Variants in TRIM56 observed in about 807,000 individuals in gnomAD.
TRIM56 encodes the protein E3 ubiquitin-protein ligase TRIM56.
In TRIM56, 10 loss-of-function variants were observed where a neutral mutation model predicts 17.1. The ratio of observed to expected loss-of-function variants is 0.58; its 90% CI spans 0.36 to 0.99. The LOEUF (loss-of-function observed/expected upper bound fraction) is 0.99, where lower values mean the gene tolerates loss of function less well. Among genes scored for constraint, TRIM56 ranks in the 50% least tolerant of loss-of-function variants. TRIM56 has a pLI of 0.01. For synonymous variants in TRIM56, 503 were observed against 473.5 expected, an observed-to-expected ratio of 1.06 and a Z score of -0.81; for missense variants, 923 against 1,052.3, an observed-to-expected ratio of 0.88 and a Z score of 1.70.
chr7:101,092,438 C>CGACCCAGTCTGG lies in TRIM56; in HGVS notation c.*2861_*2872dup, dbSNP rs1795583853. 1 of 172,946 alleles carries CGACCCAGTCTGG rather than the reference C, an allele frequency of 5.8e-6. No individual in the cohort carries two copies. Among genetic ancestry groups the CGACCCAGTCTGG allele is most frequent in the Admixed American group, 6.2e-5 (1 of 16,036 alleles). 10.7% of individuals were successfully genotyped at this position (172,946 alleles called of 1,614,324 possible). Reference sequence around the variant, plus strand: ...TGTGAGGAGCGCCTCTGCCCGGCCGCGACCCAGTCTGGGAGGTGAGGAGCG... The same window carrying CGACCCAGTCTGG: ...TGTGAGGAGCGCCTCTGCCCGGCCGCGACCCAGTCTGGGACCCAGTCTGGGAGGTGAGGAGCG... On this transcript the variant is annotated 3_prime_UTR_variant, in exon 3 of 3. Coordinates refer to ENST00000306085, the MANE Select transcript of TRIM56 (RefSeq NM_030961.3).
In TRIM56 at chr7:101,089,671, T is replaced by A. The variant is rs1054828545; in HGVS notation, c.*91T>A. On this transcript the variant is annotated 3_prime_UTR_variant, in exon 3 of 3. Coordinates refer to ENST00000306085, the MANE Select transcript of TRIM56 (RefSeq NM_030961.3). Reference sequence around the variant, plus strand: ...TGGGAGGTGGAGGCCGAGGACATTTTCCTGAAGGGCAGGGGTTGGCAACTT... The same window carrying A: ...TGGGAGGTGGAGGCCGAGGACATTTACCTGAAGGGCAGGGGTTGGCAACTT... The A allele has an allele frequency of 3.5e-5, 45 of 1,301,574 alleles. No individual in the cohort carries two copies. The highest frequency in any genetic ancestry group is 4.7e-5 in the Non-Finnish European group (45 of 954,024). The allele number at this position is 1,301,574 out of a possible 1,614,324, so 80.6% of individuals were successfully genotyped here.
In TRIM56 at chr7:101,088,023, G is replaced by A; in HGVS notation, c.711G>A (p.Glu237=). The A allele has an allele frequency of 6.4e-7, 1 of 1,563,856 alleles. No individual in the cohort carries two copies. The highest frequency in any genetic ancestry group is 1.3e-5 in the African/African-American group (1 of 74,426). The change falls in exon 3 of 3, where the codon GAG becomes GAA. Residue 237 remains glutamate, a synonymous_variant. Transcript: ENST00000306085. ...LVELEAARRV[E]KEALARLREQ... is the part of the protein sequence containing the mutation. Reference sequence around the variant, plus strand: ...AGCTGGAGGCAGCGCGGAGGGTGGAGAAGGAGGCGCTAGCCCGGCTGCGGG... The same window carrying A: ...AGCTGGAGGCAGCGCGGAGGGTGGAAAAGGAGGCGCTAGCCCGGCTGCGGG...
In TRIM56 at chr7:101,097,023, T is replaced by A. The variant is rs562318079; in HGVS notation, c.*7443T>A. On this transcript the variant is annotated 3_prime_UTR_variant, in exon 3 of 3. Transcript: ENST00000306085. Reference sequence around the variant, plus strand: ...ATCTTTTGAGAGTTTAGAGAAAATATCATTTGGAAAGGGAGTAGCTCTCCT... The same window carrying A: ...ATCTTTTGAGAGTTTAGAGAAAATAACATTTGGAAAGGGAGTAGCTCTCCT... The A allele has an allele frequency of 2.6e-5, 4 of 152,292 alleles. No homozygotes were observed. Among genetic ancestry groups the A allele is most frequent in the African/African-American group, 7.2e-5 (3 of 41,548 alleles). 9.4% of individuals were successfully genotyped at this position (152,292 alleles called of 1,614,324 possible).
rs1584892149 is a variant in TRIM56, at chr7:101,092,432, C to A, written c.*2852C>A. 5.8e-6 allele frequency: 1 copy of A among 173,606 alleles called. No individual in the cohort carries two copies. Among genetic ancestry groups the A allele is most frequent in the Admixed American group, 6.2e-5 (1 of 16,120 alleles). 10.8% of individuals were successfully genotyped at this position (173,606 alleles called of 1,614,324 possible). On this transcript the variant is annotated 3_prime_UTR_variant, in exon 3 of 3. Coordinates refer to ENST00000306085, the MANE Select transcript of TRIM56 (RefSeq NM_030961.3). ...CTGGGATGTGAGGAGCGCCTCTGCC[C>A]GGCCGCGACCCAGTCTGGGAGGTGA... is the stretch of plus-strand genomic sequence containing the variant.
chr7:101,090,506 C>T lies in TRIM56; in HGVS notation c.*926C>T, dbSNP rs902455744. ...GCGTGTAGTAGCATATGCCTTTCAA[C>T]GTAGCTACTCAGGAGGCTGAGGTGG... On this transcript the variant is annotated 3_prime_UTR_variant, in exon 3 of 3. Coordinates refer to ENST00000306085, the MANE Select transcript of TRIM56 (RefSeq NM_030961.3). 1.4e-5 allele frequency: 2 copies of T among 147,014 alleles called. No individual in the cohort carries two copies. The highest frequency in any genetic ancestry group is 2.5e-5 in the African/African-American group (1 of 39,620). The allele number at this position is 147,014 out of a possible 1,614,324, so 9.1% of individuals were successfully genotyped here. A position where few individuals can be genotyped will look rare whatever the true frequency, so the allele number is the denominator to read the frequency against.
In TRIM56 at chr7:101,089,946, C is replaced by T. The variant is rs977857955; in HGVS notation, c.*366C>T. The T allele has an allele frequency of 6.6e-5, 14 of 211,502 alleles. No individual in the cohort carries two copies. The highest frequency in any genetic ancestry group is 1.4e-4 in the African/African-American group (6 of 42,788). The allele number at this position is 211,502 out of a possible 1,614,324, so 13.1% of individuals were successfully genotyped here. A position where few individuals can be genotyped will look rare whatever the true frequency, so the allele number is the denominator to read the frequency against. On this transcript the variant is annotated 3_prime_UTR_variant, in exon 3 of 3. Coordinates refer to ENST00000306085, the MANE Select transcript of TRIM56 (RefSeq NM_030961.3). ...TCAAAACCATTCCTGATAGAGTAGC[C>T]GAGGGAGAGTCTTGGGGCCAAGAAG... is the stretch of plus-strand genomic sequence containing the variant.
In TRIM56 at chr7:101,087,954, G is replaced by C. The variant is rs531194051; in HGVS notation, c.642G>C (p.Pro214=). 1.3e-5 allele frequency: 20 copies of C among 1,597,696 alleles called. No individual in the cohort carries two copies. Among genetic ancestry groups the C allele is most frequent in the Non-Finnish European group, 1.6e-5 (19 of 1,177,192 alleles). Residue 214 remains proline (P), a synonymous_variant, in exon 3 of 3, where the codon CCG becomes CCC. Coordinates refer to ENST00000306085, the MANE Select transcript of TRIM56 (RefSeq NM_030961.3). ...CTGAAGCTGTGCGTGCCCGGAGGCC[G>C]GGCCTGGAGGGACTGCTGGCCGGTG... The part of the protein sequence containing the change: ...PLAEAVRARR[P]GLEGLLAGVD...
rs768134831 is a variant in TRIM56, at chr7:101,087,525, C to T, written c.213C>T (p.Ala71=). 1 of 1,613,370 alleles carries T rather than the reference C, an allele frequency of 6.2e-7. No individual in the cohort carries two copies. Among genetic ancestry groups the T allele is most frequent in the Non-Finnish European group, 8.5e-7 (1 of 1,179,670 alleles). ...ETVPVPPEGV[A]SFKTNFFVNG... ...TGCCTGTGCCGCCCGAGGGTGTGGC[C>T]TCCTTCAAGACCAACTTCTTCGTCA... The change falls in exon 3 of 3, where the codon GCC becomes GCT. Residue 71 remains alanine (A), a synonymous_variant. Transcript: ENST00000306085.
In TRIM56 at chr7:101,089,869, G is replaced by A. The variant is rs1795533763; in HGVS notation, c.*289G>A. On this transcript the variant is annotated 3_prime_UTR_variant, in exon 3 of 3. Coordinates refer to ENST00000306085, the MANE Select transcript of TRIM56 (RefSeq NM_030961.3). ...GGTGGCTGCTGCCACCACCGCCGCTGCTATATAGTTTAGGTTTCTGAGGTT... is the reference window on the plus strand; with the variant it reads ...GGTGGCTGCTGCCACCACCGCCGCTACTATATAGTTTAGGTTTCTGAGGTT... 3 of 391,688 alleles carry A rather than the reference G, an allele frequency of 7.7e-6. No homozygotes were observed. The highest frequency in any genetic ancestry group is 4.2e-5 in the Admixed American group (1 of 23,722). The allele number at this position is 391,688 out of a possible 1,614,324, so 24.3% of individuals were successfully genotyped here.
chr7:101,094,283 CT>C lies in TRIM56; in HGVS notation c.*4704del, dbSNP rs1200279136. 6.6e-6 allele frequency: 1 copy of C among 152,164 alleles called. No individual in the cohort carries two copies. The allele number at this position is 152,164 out of a possible 1,614,324, so 9.4% of individuals were successfully genotyped here. On this transcript the variant is annotated 3_prime_UTR_variant, in exon 3 of 3. Coordinates refer to ENST00000306085, the MANE Select transcript of TRIM56 (RefSeq NM_030961.3). Reference sequence around the variant, plus strand: ...ATAGTGATAGTAACAAGGAAAACATCTGTCTAAATAATTACTGAGTAGAAAT... The same window carrying C: ...ATAGTGATAGTAACAAGGAAAACATCGTCTAAATAATTACTGAGTAGAAAT...
chr7:101,088,618 G>A lies in TRIM56; in HGVS notation c.1306G>A (p.Glu436Lys), dbSNP rs746407529. 1 of 1,613,688 alleles carries A rather than the reference G, an allele frequency of 6.2e-7. No homozygotes were observed. Among genetic ancestry groups the A allele is most frequent in the South Asian group, 1.1e-5 (1 of 91,072 alleles). The change falls in exon 3 of 3, where the codon GAG becomes AAG. Residue 436 changes from glutamate (E) to lysine (K), a missense_variant. Physicochemically the swap from Glu to Lys is moderately conservative, Grantham distance 56 (BLOSUM62 1). Coordinates refer to ENST00000306085, the MANE Select transcript of TRIM56 (RefSeq NM_030961.3). ...CCGAGAAGAGGGAGCCCAGACCTTGGAGGAGGACAGGGCCCAGACACCCCA... is the reference window on the plus strand; with the variant it reads ...CCGAGAAGAGGGAGCCCAGACCTTGAAGGAGGACAGGGCCCAGACACCCCA... The part of the protein sequence containing the change: ...TTREEGAQTL[E>K]EDRAQTPHED...
Position 101,087,876 on chromosome 7 carries a change from G to A in TRIM56, c.564G>A (p.Leu188=), listed in dbSNP as rs1278459480. The change falls in exon 3 of 3, where the codon CTG becomes CTA. Residue 188 remains leucine, a synonymous_variant. Coordinates refer to ENST00000306085, the MANE Select transcript of TRIM56 (RefSeq NM_030961.3). ...RFLCQPCSQL[L]CRECRLDPHL... is the part of the protein sequence containing the mutation. ...TGTGCCAGCCCTGCTCACAGTTGCT[G>A]TGCAGAGAGTGCCGCCTAGACCCCC... 1 of 1,606,336 alleles carries A rather than the reference G, an allele frequency of 6.2e-7. No homozygotes were observed. Among genetic ancestry groups the A allele is most frequent in the Non-Finnish European group, 8.5e-7 (1 of 1,178,642 alleles).
Position 101,088,840 on chromosome 7 carries a change from A to G in TRIM56, c.1528A>G (p.Ile510Val). ...GCCTGGAGACAAGCGGTCCCCCCGG[A>G]TCACCGGGCTCTGTCCCTTCGGTCC... ...RMPGDKRSPR[I>V]TGLCPFGPRE... is the part of the protein sequence containing the mutation. The change falls in exon 3 of 3, where the codon ATC becomes GTC. Residue 510 changes from isoleucine (I) to valine (V), a missense_variant. Ile to Val is a conservative substitution (Grantham distance 29, BLOSUM62 3). Around this residue, in one of 3 missense-constraint regions of TRIM56, gnomAD observed 643 missense variants for 665.6 expected, o/e 0.97. Coordinates refer to ENST00000306085, the MANE Select transcript of TRIM56 (RefSeq NM_030961.3). The G allele has an allele frequency of 6.2e-7, 1 of 1,613,730 alleles. No homozygotes were observed. The highest frequency in any genetic ancestry group is 8.5e-7 in the Non-Finnish European group (1 of 1,180,024).
At position 101,095,668 on chromosome 7, in the gene TRIM56, G is replaced by A. The variant is rs1795643976; in HGVS notation, c.*6088G>A. 1 of 152,168 alleles carries A rather than the reference G, an allele frequency of 6.6e-6. No individual in the cohort carries two copies. The highest frequency in any genetic ancestry group is 2.4e-5 in the African/African-American group (1 of 41,432). 9.4% of individuals were successfully genotyped at this position (152,168 alleles called of 1,614,324 possible). On this transcript the variant is annotated 3_prime_UTR_variant, in exon 3 of 3. Transcript: ENST00000306085. ...AGATGGGGATGCCAAGTGGCTTCTC[G>A]GGAAGCTGTAAGAATCCACAGGGCA...
rs750343799 is a variant in TRIM56 at position 101,089,355 on chromosome 7, G to A, written c.2043G>A (p.Pro681=). 2.8e-5 allele frequency: 45 copies of A among 1,608,814 alleles called. No individual in the cohort carries two copies. The highest frequency in any genetic ancestry group is 3.6e-5 in the Non-Finnish European group (42 of 1,175,920). Residue 681 remains proline, a synonymous_variant, in exon 3 of 3, where the codon CCG becomes CCA. Transcript: ENST00000306085. ...YKGPGLHGCQ[P]GSVSVDKKGY... is the part of the protein sequence containing the mutation. ...GGCCAGGCCTGCATGGCTGCCAGCC[G>A]GGCTCCGTGTCTGTGGATAAGAAGG...
rs1163825719 is a variant in TRIM56 at position 101,093,209 on chromosome 7, A to C, written c.*3629A>C. 5.7e-6 allele frequency: 1 copy of C among 175,238 alleles called. No homozygotes were observed. Among genetic ancestry groups the C allele is most frequent in the Admixed American group, 6.4e-5 (1 of 15,590 alleles). 10.9% of individuals were successfully genotyped at this position (175,238 alleles called of 1,614,324 possible). Reference sequence around the variant, plus strand: ...GGACACAAACACTGCGGAAGGCCGCAGGGTCGTCTGCCTAGGAAAACCAGA... The same window carrying C: ...GGACACAAACACTGCGGAAGGCCGCCGGGTCGTCTGCCTAGGAAAACCAGA... On this transcript the variant is annotated 3_prime_UTR_variant, in exon 3 of 3. Coordinates refer to ENST00000306085, the MANE Select transcript of TRIM56 (RefSeq NM_030961.3).
rs748731606 is a variant in TRIM56, at chr7:101,091,727, C to CA, written c.*2156dup. 183 of 437,162 alleles carry CA rather than the reference C, an allele frequency of 4.2e-4. 1 individual carries two copies. The highest frequency in any genetic ancestry group is 6.4e-4 in the South Asian group (40 of 62,778). The allele number at this position is 437,162 out of a possible 1,614,324, so 27.1% of individuals were successfully genotyped here. ...GGGTAACAAGAATGAAACTCCATCT[C>CA]AAAAAAAAAGAAAAAGAAAAGAAAG... On this transcript the variant is annotated 3_prime_UTR_variant, in exon 3 of 3. Transcript: ENST00000306085.
Position 101,087,061 on chromosome 7 carries a change from A to G in TRIM56, c.-109A>G, listed in dbSNP as rs879805176. 10 of 528,056 alleles carry G rather than the reference A, an allele frequency of 1.9e-5. No homozygotes were observed. Among genetic ancestry groups the G allele is most frequent in the Non-Finnish European group, 2.7e-5 (8 of 296,706 alleles). The allele number at this position is 528,056 out of a possible 1,614,324, so 32.7% of individuals were successfully genotyped here. On this transcript the variant is annotated 5_prime_UTR_variant, in exon 2 of 3. Transcript: ENST00000306085. ...TGACATTTTTACGTTTGCTGGATGT[A>G]CACACGGAAGTGGAGGAGGAGGAGG... is the stretch of plus-strand genomic sequence containing the variant.
chr7:101,091,998 C>G lies in TRIM56; in HGVS notation c.*2418C>G, dbSNP rs542780844. 1.0e-3 allele frequency: 305 copies of G among 304,254 alleles called. 5 individuals are homozygous for G. The highest frequency in any genetic ancestry group is 6.4e-3 in the African/African-American group (276 of 43,410). The allele number at this position is 304,254 out of a possible 1,614,324, so 18.8% of individuals were successfully genotyped here. A position where few individuals can be genotyped will look rare whatever the true frequency, so the allele number is the denominator to read the frequency against. The stretch of plus-strand genomic sequence containing the variant: ...GGAGACGGGGTTTCACTGTGTTGGC[C>G]GGGCTGGTCTCCAGCTCCTAACCGC... On this transcript the variant is annotated 3_prime_UTR_variant, in exon 3 of 3. Coordinates refer to ENST00000306085, the MANE Select transcript of TRIM56 (RefSeq NM_030961.3).
Sources: allele counts gnomAD v4.1 joint callset, GRCh38; gene constraint gnomAD v4.1.1; regional missense constraint gnomAD v4.1.1; transcripts MANE v1.5; gene names NCBI Gene and HGNC (gene_info 2026-07-23, HGNC 2026-07-21).